Variants in CDK12 observed in about 807,000 individuals in gnomAD.
The protein encoded by CDK12 is cyclin-dependent kinase 12.
Under a neutral mutation model 133.8 loss-of-function variants are expected in CDK12, and 17 were observed. The observed-to-expected ratio is 0.13, with a 90% CI of 0.09 to 0.19. The LOEUF is 0.19. Ranked by LOEUF, CDK12 falls within the 10% of genes least tolerant of loss-of-function variation. The pLI, the probability that CDK12 is intolerant of heterozygous loss-of-function variation, is 1.00. For synonymous variants in CDK12, 694 were observed against 683.6 expected (o/e 1.02, Z -0.24); for missense variants, 1,508 against 1,818.7 (o/e 0.83, Z 3.11).
intron 6 of CDK12, among the ~76,000 whole-genome samples, chr17:39,506,369 C>T (rs1164926857): frequency 6.6e-6 from 1 of 151,928 alleles, no homozygotes; most frequent in African/African-American, 2.4e-5. Flanking sequence ...CGCATGCCAC[C>T]ACGCCTGGCT....
Position 39,462,661 on chromosome 17 carries a change from G to T in CDK12, c.590G>T (p.Arg197Leu), listed in dbSNP as rs1307691161. Residue 197 changes from arginine (R) to leucine (L), a missense_variant, in exon 1 of 14, where the codon CGG (arginine) becomes CTG (leucine). Transcript: ENST00000447079. ...GAGCTGAAGTCTGGGCACAAAGACC[G>T]GAGTAAAAGTCATCGAAAAAGGGAA... ...ERELKSGHKD[R>L]SKSHRKRETP... The T allele has an allele frequency of 1.9e-6, 3 of 1,613,962 alleles. No homozygotes were observed. The highest frequency in any genetic ancestry group is 1.7e-5 in the Admixed American group (1 of 59,988).
At chr17:39,466,200 C>T (rs539413821) in intron 1 of CDK12, among the ~76,000 whole-genome samples, 12 of 150,430 alleles carry the variant, frequency 8.0e-5, no homozygotes, top group African/African-American at 1.2e-4. Flanking sequence ...CCCAGCTACT[C>T]GGGAGGCTGA....
At chr17:39,519,839 C>A in intron 10 of CDK12, 117 bp from the exon 11 acceptor site, 2 of 1,139,670 alleles carry the variant, frequency 1.8e-6, no homozygotes, top group South Asian at 1.4e-5. Context: ...TCACGCAGTC[C>A]TACCTTGGCC....
chr17:39,475,785 TTCGC>T (rs2050147530), intron 2 of CDK12, among the ~76,000 whole-genome samples: 1 of 151,952 alleles, frequency 6.6e-6, no homozygotes, highest in South Asian at 2.1e-4. Flanking sequence ...GACCTCGTGA[TTCGC>T]CCACCTAGGC....
In CDK12 at chr17:39,462,507, C is replaced by G. The variant is rs1203368750; in HGVS notation, c.436C>G (p.Arg146Gly). Residue 146 changes from arginine to glycine, a missense_variant, in exon 1 of 14, where the codon CGG becomes GGG. Around this residue, in one of 9 missense-constraint regions of CDK12, gnomAD observed 460 missense variants for 490.8 expected, o/e 0.94. Transcript: ENST00000447079. ...CAGCAAGTCGGGATCGATGAAGGAC[C>G]GGATATCGGGAAGTTCAAAGCGTTC... ...VSSKSGSMKD[R>G]ISGSSKRSNE... The G allele has an allele frequency of 1.2e-6, 2 of 1,613,884 alleles. No individual in the cohort carries two copies. Among genetic ancestry groups the G allele is most frequent in the Non-Finnish European group, 1.7e-6 (2 of 1,180,014 alleles).
At chr17:39,505,560 A>G (rs2053060921) in intron 6 of CDK12, among the ~76,000 whole-genome samples, 2 of 151,402 alleles carry the variant, frequency 1.3e-5, no homozygotes, top group African/African-American at 4.8e-5. Context: ...GGAAAGAACC[A>G]AAATAATTTA....
chr17:39,563,499 C>G (rs2056463787), intron 3 of CDK12, among the ~76,000 whole-genome samples: 1 of 115,330 alleles, frequency 8.7e-6, no homozygotes, highest in African/African-American at 3.3e-5. Flanking sequence ...TAGGGAAAAA[C>G]TTGGTATCTG....
intron 13 of CDK12, among the ~76,000 whole-genome samples, chr17:39,527,304 C>T (rs2054554379): frequency 1.3e-5 from 2 of 152,236 alleles, no homozygotes; most frequent in African/African-American, 4.8e-5. Context: ...GATGCCGTAA[C>T]TAATTATTGC....
At chr17:39,528,773 T>C (rs2054643060) in intron 13 of CDK12, among the ~76,000 whole-genome samples, 1 of 152,274 alleles carries the variant, frequency 6.6e-6, no homozygotes, top group Admixed American at 6.5e-5. Flanking sequence ...GCTGGAAGAA[T>C]GTAAGTTTAG....
At chr17:39,547,364 G>A (rs1450133083), upstream of CDK12, among the ~76,000 whole-genome samples, 1 of 152,070 alleles carries the variant, frequency 6.6e-6, no homozygotes, top group African/African-American at 2.4e-5. Context: ...TCGAACTCCC[G>A]ACCTCAGGTG....
intron 2 of CDK12, among the ~76,000 whole-genome samples, chr17:39,482,559 G>C (rs1358084881): frequency 7.0e-6 from 1 of 143,304 alleles, no homozygotes; most frequent in African/African-American, 2.5e-5. Context: ...GTATTGTTAC[G>C]GTTTTAGTGT....
chr17:39,472,705 A>C (rs2049885211), intron 2 of CDK12, among the ~76,000 whole-genome samples: 1 of 152,100 alleles, frequency 6.6e-6, no homozygotes, highest in African/African-American at 2.4e-5. Flanking sequence ...CCTAATAATA[A>C]CGTTCTATAT....
At chr17:39,524,546 G>T in intron 11 of CDK12, 128 bp from the exon 12 acceptor site, 5 of 754,410 alleles carry the variant, frequency 6.6e-6, no homozygotes, top group Admixed American at 2.8e-5. Flanking sequence ...AACTTTTTTG[G>T]TTATTTTTGT....
At chr17:39,541,459 C>G (rs969878247) in intron 1 of CDK12, among the ~76,000 whole-genome samples, 1 of 151,504 alleles carries the variant, frequency 6.6e-6, no homozygotes, top group Admixed American at 6.6e-5. Flanking sequence ...GCTCCGCCTC[C>G]TGGGTTCATG....
rs762731234 is a variant in CDK12 at position 39,526,222 on chromosome 17, G to T, written c.3666G>T (p.Glu1222Asp). ...TGAGTCAGCTGATGAAAACCCAAGAGCCAGCAGGCAGTCTGGAGGAAAACA... is the reference window on the plus strand; with the variant it reads ...TGAGTCAGCTGATGAAAACCCAAGATCCAGCAGGCAGTCTGGAGGAAAACA... ...VLLSQLMKTQ[E>D]PAGSLEENNS... The change falls in exon 13 of 14, where the codon GAG becomes GAT. Residue 1222 changes from glutamate (E) to aspartate (D), a missense_variant. Coordinates refer to ENST00000447079, the MANE Select transcript of CDK12 (RefSeq NM_016507.4). The T allele has an allele frequency of 1.2e-6, 2 of 1,613,578 alleles. No individual in the cohort carries two copies. The highest frequency in any genetic ancestry group is 2.7e-5 in the African/African-American group (2 of 74,904).
chr17:39,467,838 T>G (rs2049463205), intron 1 of CDK12, among the ~76,000 whole-genome samples: 1 of 152,098 alleles, frequency 6.6e-6, no homozygotes, highest in Non-Finnish European at 1.5e-5. Flanking sequence ...TTTTATATTC[T>G]CATGTTCATG....
downstream of CDK12, among the ~76,000 whole-genome samples, chr17:39,565,413 C>CCGTT (rs1555595527): frequency 3.5e-5 from 5 of 144,746 alleles, no homozygotes; most frequent in Non-Finnish European, 1.5e-5. Context: ...CGCACCCAGC[C>CCGTT]TGTTTGTTTG....
intron 2 of CDK12, among the ~76,000 whole-genome samples, chr17:39,480,916 A>G (rs1288867746): frequency 6.6e-6 from 1 of 152,168 alleles, no homozygotes; most frequent in Non-Finnish European, 1.5e-5. Context: ...ATTAATGGAT[A>G]TATTTCTGCC....
In CDK12 at chr17:39,531,608, T is replaced by A. The variant is rs1164450166; in HGVS notation, c.*292T>A. 1 of 327,004 alleles carries A rather than the reference T, an allele frequency of 3.1e-6. No individual in the cohort carries two copies. Among genetic ancestry groups the A allele is most frequent in the Admixed American group, 4.8e-5 (1 of 20,778 alleles). The allele number at this position is 327,004 out of a possible 1,614,324, so 20.3% of individuals were successfully genotyped here. A position where few individuals can be genotyped will look rare whatever the true frequency, so the allele number is the denominator to read the frequency against. ...ATCATTACATTGAAAAGTAAATGTT[T>A]TATTAGTTCATTGCCTGCACTTACT... On this transcript the variant is annotated 3_prime_UTR_variant, in exon 14 of 14. Transcript: ENST00000447079.
Sources: allele counts gnomAD v4.1 joint callset (sites outside exome capture counted in the v4.1 genomes callset), GRCh38; gene constraint gnomAD v4.1.1; regional missense constraint gnomAD v4.1.1; transcripts MANE v1.5; gene names NCBI Gene and HGNC (gene_info 2026-07-23, HGNC 2026-07-21).